FHIP2A: variants seen among roughly 807,000 people sequenced by gnomAD.
The protein encoded by FHIP2A is family with sequence similarity 160 member B1.
In FHIP2A, 46 loss-of-function variants were observed where a neutral mutation model predicts 93.5. That is an observed-to-expected ratio of 0.49 (90% CI 0.39 to 0.63). The LOEUF (loss-of-function observed/expected upper bound fraction) is 0.63. FHIP2A is among the 20% of genes least tolerant of loss of function. The pLI, the probability that FHIP2A is intolerant of heterozygous loss-of-function variation, is 0.00. For missense variants in FHIP2A, 769 were observed against 909.7 expected (o/e 0.85, Z 1.99); for synonymous variants, 332 against 326.5 (o/e 1.02, Z -0.18).
Position 114,862,311 on chromosome 10 carries a change from T to C in FHIP2A, c.*771T>C, listed in dbSNP as rs969979661. ...TCACCATTGGTAGTGTTTGCTAAAA[T>C]TGTATTTTTTTAAGCTAAGTAACAT... On this transcript the variant is annotated 3_prime_UTR_variant, in exon 17 of 17. Coordinates refer to ENST00000369248, the MANE Select transcript of FHIP2A (RefSeq NM_020940.4). 1.0e-6 allele frequency: 1 copy of C among 987,426 alleles called. No individual in the cohort carries two copies. Among genetic ancestry groups the C allele is most frequent in the African/African-American group, 1.7e-5 (1 of 57,286 alleles). 61.2% of individuals were successfully genotyped at this position (987,426 alleles called of 1,614,324 possible).
Position 114,863,577 on chromosome 10 carries a change from C to T in FHIP2A, c.*2037C>T. 1 of 1,235,884 alleles carries T rather than the reference C, an allele frequency of 8.1e-7. No individual in the cohort carries two copies. The highest frequency in any genetic ancestry group is 1.4e-5 in the South Asian group (1 of 70,304). 76.6% of individuals were successfully genotyped at this position (1,235,884 alleles called of 1,614,324 possible). A position where few individuals can be genotyped will look rare whatever the true frequency, so the allele number is the denominator to read the frequency against. On this transcript the variant is annotated 3_prime_UTR_variant, in exon 17 of 17. Transcript: ENST00000369248. ...TGTTGTAATGACTTTAATTTGTAAT[C>T]AGCTAAGGCTTAAGATTTCATTTGT...
chr10:114,878,104 G>C (rs1288681665), intron 16 of FHIP2A, among the ~76,000 whole-genome samples: 1 of 151,738 alleles, frequency 6.6e-6, no homozygotes, highest in Non-Finnish European at 1.5e-5. Flanking sequence ...TTTCTTTCCA[G>C]TACTTCATGC....
At position 114,863,154 on chromosome 10, in the gene FHIP2A, A is replaced by G. The variant is rs554841137; in HGVS notation, c.*1614A>G. 1 of 977,040 alleles carries G rather than the reference A, an allele frequency of 1.0e-6. No homozygotes were observed. Among genetic ancestry groups the G allele is most frequent in the Non-Finnish European group, 1.2e-6 (1 of 822,256 alleles). The allele number at this position is 977,040 out of a possible 1,614,324, so 60.5% of individuals were successfully genotyped here. The stretch of plus-strand genomic sequence containing the variant: ...GTTAGCTTATTCTAAGAAATTTATT[A>G]AGTAAAACAAAGAAAAAACAGAAGT... On this transcript the variant is annotated 3_prime_UTR_variant, in exon 17 of 17. Transcript: ENST00000369248.
intron 13 of FHIP2A, 28 bp downstream of exon 13, chr10:114,848,765 T>G: frequency 6.7e-7 from 1 of 1,483,536 alleles, no homozygotes; most frequent in Non-Finnish European, 9.4e-7. Context: ...ATGTTGGAAA[T>G]GAAATCTAAG....
At chr10:114,889,294 C>T (rs1566389624) in intron 16 of FHIP2A, among the ~76,000 whole-genome samples, 1 of 152,152 alleles carries the variant, frequency 6.6e-6, no homozygotes, top group African/African-American at 2.4e-5. Context: ...TAAAAGAAGG[C>T]TTGTTCTCCG....
At chr10:114,844,951 A>AT (rs5788084) in intron 7 of FHIP2A, among the ~76,000 whole-genome samples, 2,145 of 141,058 alleles carry the variant, frequency 0.015, 31 homozygotes, top group African/African-American at 0.026. Flanking sequence ...TGCCCAGCTA[A>AT]TTTTTTTTTT....
intron 14 of FHIP2A, among the ~76,000 whole-genome samples, chr10:114,859,762 G>A (rs1203454773): frequency 6.6e-6 from 1 of 152,178 alleles, no homozygotes; most frequent in African/African-American, 2.4e-5. Context: ...GATATTACAT[G>A]TAAAACAAGT....
At chr10:114,892,433 T>G (rs1043272381) in intron 16 of FHIP2A, among the ~76,000 whole-genome samples, 22 of 151,778 alleles carry the variant, frequency 1.4e-4, no homozygotes, top group African/African-American at 5.3e-4. Context: ...AGGTCAGGAG[T>G]TGGAGAGCAG....
intron 14 of FHIP2A, among the ~76,000 whole-genome samples, chr10:114,857,466 C>T (rs762655780): frequency 3.9e-5 from 6 of 151,992 alleles, no homozygotes; most frequent in South Asian, 2.1e-4. Context: ...CACACCACCA[C>T]GCCTGGCAAA....
intron 1 of FHIP2A, among the ~76,000 whole-genome samples, chr10:114,829,412 GA>G (rs1342943012): frequency 6.6e-6 from 1 of 152,234 alleles, no homozygotes; most frequent in Admixed American, 6.5e-5. Context: ...GCATCTTTCA[GA>G]CATTGCCATG....
At chr10:114,898,408 G>T (rs1304309259) in intron 16 of FHIP2A, among the ~76,000 whole-genome samples, 2 of 152,180 alleles carry the variant, frequency 1.3e-5, no homozygotes. Flanking sequence ...ACTGGTGAGA[G>T]ACTCATGGTT....
At chr10:114,868,782 G>C (rs1045192192), downstream of FHIP2A, among the ~76,000 whole-genome samples, 4 of 152,150 alleles carry the variant, frequency 2.6e-5, no homozygotes, top group Non-Finnish European at 5.9e-5. Context: ...GTTGTGATGT[G>C]CATTCATTTG....
At chr10:114,831,062 C>A in intron 2 of FHIP2A, 132 bp downstream of exon 2, 1 of 561,218 alleles carries the variant, frequency 1.8e-6, no homozygotes, top group East Asian at 3.1e-5. Context: ...TTATCTTTGT[C>A]TTTAAGATTC....
intron 16 of FHIP2A, among the ~76,000 whole-genome samples, chr10:114,873,641 A>G (rs2083869752): frequency 6.6e-6 from 1 of 152,170 alleles, no homozygotes; most frequent in Non-Finnish European, 1.5e-5. Context: ...ATACAAACTC[A>G]TGGATATTTA....
At chr10:114,846,787 C>T (rs1029563138) in intron 11 of FHIP2A, 59 bp downstream of exon 11, 16 of 1,380,820 alleles carry the variant, frequency 1.2e-5, no homozygotes, top group Non-Finnish European at 1.6e-5. Context: ...AACTTTCTCT[C>T]TCCTCTTATC....
intron 13 of FHIP2A, among the ~76,000 whole-genome samples, chr10:114,849,770 T>C (rs1410172797): frequency 6.6e-6 from 1 of 152,174 alleles, no homozygotes; most frequent in African/African-American, 2.4e-5. Context: ...TCATATTGAC[T>C]TCTCCTCCCC....
At chr10:114,895,080 C>T (rs1225357234) in intron 16 of FHIP2A, among the ~76,000 whole-genome samples, 1 of 152,122 alleles carries the variant, frequency 6.6e-6, no homozygotes, top group Non-Finnish European at 1.5e-5. Flanking sequence ...AATAGTTAAT[C>T]TCATGTGAAT....
At chr10:114,873,619 T>C (rs1008765606) in intron 16 of FHIP2A, among the ~76,000 whole-genome samples, 1 of 152,230 alleles carries the variant, frequency 6.6e-6, no homozygotes, top group Non-Finnish European at 1.5e-5. Flanking sequence ...ATTTATCCAA[T>C]CATTTATATC....
intron 14 of FHIP2A, among the ~76,000 whole-genome samples, chr10:114,856,875 A>G (rs372267149): frequency 6.6e-6 from 1 of 152,166 alleles, no homozygotes; most frequent in Non-Finnish European, 1.5e-5. Context: ...CAAATGAGGA[A>G]TCTTTGGTTT....
Sources: allele counts gnomAD v4.1 joint callset (sites outside exome capture counted in the v4.1 genomes callset), GRCh38; gene constraint gnomAD v4.1.1; transcripts MANE v1.5; gene names NCBI Gene and HGNC (gene_info 2026-07-23, HGNC 2026-07-21).